The following CCDC178 variants were observed in gnomAD, a reference collection of about 807,000 sequenced individuals.
CCDC178 encodes coiled-coil domain containing 178.
In CCDC178, 126 loss-of-function variants were observed where a neutral mutation model predicts 117.4. The observed-to-expected ratio is 1.07, with a 90% confidence interval of 0.93 to 1.24. The LOEUF is 1.24. CCDC178 is among the 50% of genes most tolerant of loss of function. The pLI, the probability that CCDC178 is intolerant of heterozygous loss-of-function variation, is 0.00. For missense variants in CCDC178, 1,030 were observed against 986.9 expected, an observed-to-expected ratio of 1.04 and a Z score of -0.59; for synonymous variants, 283 against 313.4, an observed-to-expected ratio of 0.90 and a Z score of 1.02.
At chr18:32,957,138 A>C (rs1439360052) in intron 22 of CCDC178, among the ~76,000 whole-genome samples, 1 of 152,208 alleles carries the variant, frequency 6.6e-6, no homozygotes, top group African/African-American at 2.4e-5. Context: ...TGGCAACTCT[A>C]GAGGCTGAAT....
chr18:33,084,145 A>G (rs1789182030), intron 21 of CCDC178, among the ~76,000 whole-genome samples: 1 of 147,084 alleles, frequency 6.8e-6, no homozygotes, highest in Non-Finnish European at 1.5e-5. Context: ...ATGTTCTTGT[A>G]GCTTTATTGT....
intron 20 of CCDC178, among the ~76,000 whole-genome samples, chr18:33,103,772 T>C (rs563532592): frequency 6.6e-6 from 1 of 151,796 alleles, no homozygotes; most frequent in African/African-American, 2.4e-5. Flanking sequence ...GTCTGCTCAG[T>C]TTTTGACTCC....
chr18:33,030,401 T>C (rs1250966979), intron 21 of CCDC178, among the ~76,000 whole-genome samples: 1 of 152,112 alleles, frequency 6.6e-6, no homozygotes, highest in East Asian at 1.9e-4. Context: ...TGTTTTCTCC[T>C]CACCCAATCC....
At chr18:32,958,589 A>C (rs2144651883) in intron 22 of CCDC178, among the ~76,000 whole-genome samples, 1 of 152,334 alleles carries the variant, frequency 6.6e-6, no homozygotes, top group Non-Finnish European at 1.5e-5. Flanking sequence ...AACGTGTAGC[A>C]GAGAATGCAA....
At chr18:32,968,840 C>T (rs2054869680) in intron 22 of CCDC178, among the ~76,000 whole-genome samples, 1 of 152,006 alleles carries the variant, frequency 6.6e-6, no homozygotes, top group Non-Finnish European at 1.5e-5. Context: ...TTTCCTTTTA[C>T]ATCACACTGC....
intron 20 of CCDC178, among the ~76,000 whole-genome samples, chr18:33,186,217 C>T (rs983091993): frequency 5.3e-5 from 8 of 152,028 alleles, no homozygotes; most frequent in African/African-American, 1.9e-4. Flanking sequence ...AATTACATAT[C>T]ACTCTTTCTA....
chr18:33,435,116 A>C (rs939421654), intron 2 of CCDC178, among the ~76,000 whole-genome samples: 2 of 152,128 alleles, frequency 1.3e-5, no homozygotes, highest in African/African-American at 4.8e-5. Flanking sequence ...AATGGTCATA[A>C]TTATTGGAGC....
chr18:33,028,767 T>G (rs2056277424), intron 21 of CCDC178, among the ~76,000 whole-genome samples: 1 of 151,832 alleles, frequency 6.6e-6, no homozygotes, highest in African/African-American at 2.4e-5. Flanking sequence ...CATATTTATG[T>G]CTATTAAGAT....
Position 33,319,114 on chromosome 18 carries a change from C to A in CCDC178, c.1022+4377G>T, listed in dbSNP as rs541327906. 3.3e-5 allele frequency among the ~76,000 whole-genome samples: 5 copies of A among 152,076 alleles called. No individual in the cohort carries two copies. In the East Asian group the frequency reaches 9.7e-4, roughly 29 times the overall value. On this transcript the variant is annotated intron_variant, in intron 11 of 22. Transcript: ENST00000383096. ...CGTGTAGGTTTCTTACATATGTATACATGTGCCATGTTGGTGTGCTGCACC... is the reference window on the plus strand; with the variant it reads ...CGTGTAGGTTTCTTACATATGTATAAATGTGCCATGTTGGTGTGCTGCACC...
At chr18:33,285,749 T>C (rs765318563) in intron 12 of CCDC178, among the ~76,000 whole-genome samples, 7 of 152,200 alleles carry the variant, frequency 4.6e-5, no homozygotes, top group Non-Finnish European at 8.8e-5. Context: ...TGAACATCTA[T>C]TCCTATGTAA....
intron 20 of CCDC178, among the ~76,000 whole-genome samples, chr18:33,140,632 C>T (rs1487493321): frequency 6.6e-6 from 1 of 152,126 alleles, no homozygotes; most frequent in Non-Finnish European, 1.5e-5. Context: ...AATGTCTGTA[C>T]CCCCATTGTA....
At chr18:33,207,358 C>A (rs1410394760) in intron 20 of CCDC178, among the ~76,000 whole-genome samples, 2 of 151,736 alleles carry the variant, frequency 1.3e-5, no homozygotes, top group African/African-American at 4.8e-5. Flanking sequence ...ATTTAATAAA[C>A]CATAGCCAAT....
At chr18:33,361,218 G>C (rs772299290) in intron 6 of CCDC178, among the ~76,000 whole-genome samples, 1 of 151,482 alleles carries the variant, frequency 6.6e-6, no homozygotes, top group East Asian at 1.9e-4. Flanking sequence ...TTTGACAAAG[G>C]CATCAAAAGG....
intron 11 of CCDC178, among the ~76,000 whole-genome samples, chr18:33,312,044 A>G (rs1272001632): frequency 1.3e-5 from 2 of 152,222 alleles, no homozygotes; most frequent in African/African-American, 4.8e-5. Flanking sequence ...AGCCCCATGC[A>G]ATATCCCTAT....
intron 21 of CCDC178, among the ~76,000 whole-genome samples, chr18:33,034,470 G>GT (rs2056404981): frequency 6.6e-6 from 1 of 152,000 alleles, no homozygotes; most frequent in Non-Finnish European, 1.5e-5. Context: ...TGACATTCTT[G>GT]TAAGTTTCTG....
At chr18:33,238,441 A>C (rs1229982356) in intron 15 of CCDC178, among the ~76,000 whole-genome samples, 1 of 152,058 alleles carries the variant, frequency 6.6e-6, no homozygotes, top group African/African-American at 2.4e-5. Context: ...AATACAACAA[A>C]GATATAGATA....
At chr18:33,329,580 G>A (rs1256589125) in intron 10 of CCDC178, among the ~76,000 whole-genome samples, 1 of 151,992 alleles carries the variant, frequency 6.6e-6, no homozygotes, top group African/African-American at 2.4e-5. Flanking sequence ...TTTTATTCAT[G>A]TGGTACATTA....
intron 21 of CCDC178, among the ~76,000 whole-genome samples, chr18:33,039,808 T>C (rs2056513712): frequency 6.6e-6 from 1 of 152,056 alleles, no homozygotes; most frequent in Admixed American, 6.6e-5. Flanking sequence ...ATTTAGGCAC[T>C]AAGTATTTAA....
chr18:33,341,582 T>A (rs568156677), intron 9 of CCDC178, among the ~76,000 whole-genome samples: 62 of 152,322 alleles, frequency 4.1e-4, no homozygotes, highest in African/African-American at 1.5e-3. Context: ...GGAGGTAATT[T>A]AATCACATGG....
Sources: gnomAD v4.1 joint callset for allele counts (sites outside exome capture counted in the v4.1 genomes callset) on GRCh38, gnomAD v4.1.1 for gene constraint, MANE v1.5 for transcripts, NCBI Gene and HGNC (gene_info 2026-07-23, HGNC 2026-07-21) for gene names.